ELAVL2: variants seen among roughly 807,000 people sequenced by gnomAD.
ELAVL2 encodes the protein ELAV like RNA binding protein 2.
A neutral mutation model predicts 34.6 loss-of-function variants in ELAVL2; 4 were observed. The observed-to-expected ratio is 0.12, with a 90% CI of 0.06 to 0.26. The LOEUF (loss-of-function observed/expected upper bound fraction) is 0.26, where lower values mean the gene tolerates loss of function less well. ELAVL2 is among the 10% of genes least tolerant of loss of function. The pLI, the probability that ELAVL2 is intolerant of heterozygous loss-of-function variation, is 1.00. For synonymous variants in ELAVL2, 193 were observed against 154.8 expected, an observed-to-expected ratio of 1.25 and a Z score of -1.83; for missense variants, 432 against 442.8, an observed-to-expected ratio of 0.98 and a Z score of 0.22.
chr9:23,747,444 C>T (rs2050781471), intron 2 of ELAVL2, among the ~76,000 whole-genome samples: 1 of 152,140 alleles, frequency 6.6e-6, no homozygotes, highest in Admixed American at 6.5e-5. Flanking sequence ...ATGGCACAGG[C>T]TCTCTTCAAC....
chr9:23,702,963 A>AAAAC (rs2037871774), intron 4 of ELAVL2, among the ~76,000 whole-genome samples: 1 of 141,758 alleles, frequency 7.1e-6, no homozygotes, highest in African/African-American at 2.7e-5. Flanking sequence ...AAAAAAAAAA[A>AAAAC]AAAAAAAAAA....
intron 2 of ELAVL2, among the ~76,000 whole-genome samples, chr9:23,734,771 T>A (rs974791275): frequency 1.3e-5 from 2 of 152,032 alleles, no homozygotes; most frequent in African/African-American, 4.8e-5. Flanking sequence ...TTTCTGGTTA[T>A]AAATGAGCGC....
chr9:23,707,839 T>C (rs1199236743), intron 3 of ELAVL2, among the ~76,000 whole-genome samples: 1 of 152,202 alleles, frequency 6.6e-6, no homozygotes, highest in Non-Finnish European at 1.5e-5. Flanking sequence ...TTTAGGTAAA[T>C]GCCCAGCCCC....
intron 2 of ELAVL2, among the ~76,000 whole-genome samples, chr9:23,740,769 G>T (rs953590358): frequency 2.0e-5 from 3 of 152,212 alleles, no homozygotes; most frequent in South Asian, 2.1e-4. Flanking sequence ...ATTATAAAAA[G>T]ATCCATTTAA....
intron 1 of ELAVL2, among the ~76,000 whole-genome samples, chr9:23,779,748 G>T (rs1186377222): frequency 2.0e-5 from 3 of 151,726 alleles, no homozygotes; most frequent in Non-Finnish European, 2.9e-5. Context: ...TCACAGCGCG[G>T]AAAGTTTCTG....
At chr9:23,821,626 GCTA>G (rs934783415) in intron 1 of ELAVL2, 2 of 152,274 alleles carry the variant, frequency 1.3e-5, no homozygotes, top group African/African-American at 4.8e-5. Flanking sequence ...CGAAGCTGCA[GCTA>G]CTACGGCTCG....
chr9:23,778,461 G>A (rs577200899), intron 1 of ELAVL2, among the ~76,000 whole-genome samples: 3 of 152,188 alleles, frequency 2.0e-5, no homozygotes, highest in South Asian at 2.1e-4. Flanking sequence ...TTCTGATTTC[G>A]CTTAATAAAT....
intron 3 of ELAVL2, among the ~76,000 whole-genome samples, chr9:23,711,397 A>C (rs931627701): frequency 6.6e-6 from 1 of 152,068 alleles, no homozygotes; most frequent in Non-Finnish European, 1.5e-5. Flanking sequence ...GTCATCCTCA[A>C]CTTAAATTAC....
At chr9:23,792,412 C>A (rs1375576152) in intron 1 of ELAVL2, among the ~76,000 whole-genome samples, 1 of 152,178 alleles carries the variant, frequency 6.6e-6, no homozygotes, top group Non-Finnish European at 1.5e-5. Flanking sequence ...TCCATAACTG[C>A]TAATTTACCT....
At chr9:23,725,009 G>T (rs1346985007) in intron 3 of ELAVL2, among the ~76,000 whole-genome samples, 1 of 151,940 alleles carries the variant, frequency 6.6e-6, no homozygotes. Flanking sequence ...TTTAAATGAG[G>T]GGTACTTTGT....
chr9:23,846,195 T>C, the ELAVL2 span, among the ~76,000 whole-genome samples: 1 of 151,870 alleles, frequency 6.6e-6, no homozygotes, highest in African/African-American at 2.4e-5. Context: ...AAAGGAATCA[T>C]ATAGTAGGGC....
At chr9:23,765,597 T>C (rs1424417475) in intron 1 of ELAVL2, among the ~76,000 whole-genome samples, 1 of 152,148 alleles carries the variant, frequency 6.6e-6, no homozygotes, top group Non-Finnish European at 1.5e-5. Flanking sequence ...TACATTATAC[T>C]ATAAATGATC....
At chr9:23,800,806 GATCT>G (rs1370767320) in intron 1 of ELAVL2, among the ~76,000 whole-genome samples, 2 of 152,142 alleles carry the variant, frequency 1.3e-5, no homozygotes, top group Non-Finnish European at 2.9e-5. Flanking sequence ...TACGAATTTA[GATCT>G]ATCTTCATCT....
At chr9:23,777,574 G>A (rs1431005819) in intron 1 of ELAVL2, among the ~76,000 whole-genome samples, 1 of 152,152 alleles carries the variant, frequency 6.6e-6, no homozygotes, top group African/African-American at 2.4e-5. Flanking sequence ...TTGGAATTGA[G>A]TTGAGTCATC....
chr9:23,710,968 T>C (rs1404845515), intron 3 of ELAVL2, among the ~76,000 whole-genome samples: 7 of 152,166 alleles, frequency 4.6e-5, no homozygotes, highest in Admixed American at 3.9e-4. Context: ...AAAAGGAAGA[T>C]GTGTACTTTG....
chr9:23,718,021 C>A (rs911441764), intron 3 of ELAVL2, among the ~76,000 whole-genome samples: 1 of 152,134 alleles, frequency 6.6e-6, no homozygotes, highest in Non-Finnish European at 1.5e-5. Context: ...GAGCACCATG[C>A]ACATCTTTTA....
chr9:23,789,683 T>C (rs770376542), intron 1 of ELAVL2, among the ~76,000 whole-genome samples: 1 of 152,198 alleles, frequency 6.6e-6, no homozygotes, highest in Non-Finnish European at 1.5e-5. Flanking sequence ...ACAATCTGAA[T>C]GGCAAGAAAT....
At chr9:23,843,979 A>G in the ELAVL2 span, among the ~76,000 whole-genome samples, 1 of 152,088 alleles carries the variant, frequency 6.6e-6, no homozygotes, top group Non-Finnish European at 1.5e-5. Flanking sequence ...CTCTCTCATC[A>G]TAAGTACATA....
At chr9:23,785,016 G>A (rs2059514555) in intron 1 of ELAVL2, among the ~76,000 whole-genome samples, 2 of 152,288 alleles carry the variant, frequency 1.3e-5, no homozygotes, top group South Asian at 4.1e-4. Context: ...CTACTTTGGG[G>A]CATCTAAGCA....
Sources: allele counts gnomAD v4.1 joint callset (sites outside exome capture counted in the v4.1 genomes callset), GRCh38; gene constraint gnomAD v4.1.1; transcripts MANE v1.5; gene names NCBI Gene and HGNC (gene_info 2026-07-23, HGNC 2026-07-21).